The following MYO9B variants were observed in gnomAD, a reference collection of about 807,000 sequenced individuals.
The protein encoded by MYO9B is unconventional myosin-IXb.
In MYO9B, 71 loss-of-function variants were observed where a neutral mutation model predicts 229.5. That is an observed-to-expected ratio of 0.31 (90% CI 0.26 to 0.38). The LOEUF (loss-of-function observed/expected upper bound fraction) is 0.38. MYO9B is among the 10% of genes least tolerant of loss of function. The pLI is 1.00. For synonymous variants in MYO9B, 1,185 were observed against 1,235.8 expected (o/e 0.96, Z 0.86); for missense variants, 2,255 against 2,920.5 (o/e 0.77, Z 5.25).
At chr19:17,108,400 G>A (rs1484467512) in intron 2 of MYO9B, among the ~76,000 whole-genome samples, 2 of 152,256 alleles carry the variant, frequency 1.3e-5, no homozygotes, top group African/African-American at 2.4e-5. Flanking sequence ...ATTCAGGGCC[G>A]GATCGTTCTC....
At chr19:17,207,283 G>A in intron 35 of MYO9B, 39 bp downstream of exon 35, 1 of 1,574,292 alleles carries the variant, frequency 6.4e-7, no homozygotes, top group African/African-American at 1.4e-5. Flanking sequence ...GCTCAGGGCA[G>A]CCCCACCCAG....
chr19:17,206,952 C>G, intron 34 of MYO9B, 161 bp from the exon 35 acceptor site: 1 of 1,277,094 alleles, frequency 7.8e-7, no homozygotes, highest in Non-Finnish European at 1.1e-6. Flanking sequence ...CCGCCCGGGT[C>G]CCTTGAGGTA....
In MYO9B at chr19:17,193,150, C is replaced by T; in HGVS notation, c.3128+88C>T. Reference sequence around the variant, plus strand: ...TTGCTGCCCGTGATATACCATCTGGCCTGTGGCACTAAGGGGATGTCATTC... The same window carrying T: ...TTGCTGCCCGTGATATACCATCTGGTCTGTGGCACTAAGGGGATGTCATTC... On this transcript the variant is annotated intron_variant, in intron 21 of 39. Transcript: ENST00000682292. The surrounding 1 kb of genome is among the most constrained non-coding windows in gnomAD (Gnocchi z 4.3). 3 of 1,332,812 alleles carry T rather than the reference C, an allele frequency of 2.3e-6. No homozygotes were observed. Among genetic ancestry groups the T allele is most frequent in the Admixed American group, 3.1e-5 (1 of 32,360 alleles). 82.6% of individuals were successfully genotyped at this position (1,332,812 alleles called of 1,614,324 possible). A position where few individuals can be genotyped will look rare whatever the true frequency, so the allele number is the denominator to read the frequency against.
chr19:17,206,515 G>A (rs916955611), intron 33 of MYO9B, 139 bp downstream of exon 33: 50 of 1,400,248 alleles, frequency 3.6e-5, no homozygotes, highest in East Asian at 5.0e-5. Context: ...CAGCCAAACC[G>A]GGTCCCCAGT....
At position 17,200,387 on chromosome 19, in the gene MYO9B, G is replaced by A. The variant is rs375398456; in HGVS notation, c.4333G>A (p.Val1445Met). The change falls in exon 25 of 40, where the codon GTG (valine) becomes ATG (methionine). Residue 1445 changes from valine (V) to methionine (M), a missense_variant. By Grantham distance (21) the Val-to-Met change is conservative. Transcript: ENST00000682292. ...GCTGGAGAATGCAGTGTCCGGGCAC[G>A]TGGTGCTGGAAGCCACCACCATGAA... ...EELENAVSGHVVLEATTMKKG... is the reference protein window; with the variant it reads ...EELENAVSGHMVLEATTMKKG... 1.8e-5 allele frequency: 29 copies of A among 1,598,978 alleles called. No individual in the cohort carries two copies. The African/African-American group carries it at 2.1e-4, about 12-fold the overall frequency.
intron 2 of MYO9B, among the ~76,000 whole-genome samples, chr19:17,122,176 G>A (rs1311058274): frequency 6.6e-6 from 1 of 152,160 alleles, no homozygotes; most frequent in Admixed American, 6.6e-5. Context: ...CAAATACGGT[G>A]CAAGCTGGTT....
chr19:17,165,075 G>GC (rs2072644462), intron 10 of MYO9B, among the ~76,000 whole-genome samples: 1 of 152,086 alleles, frequency 6.6e-6, no homozygotes, highest in African/African-American at 2.4e-5. Flanking sequence ...TTGCTATGTT[G>GC]CCCAGGCTGG....
intron 2 of MYO9B, among the ~76,000 whole-genome samples, chr19:17,129,530 A>G (rs1268408208): frequency 6.6e-6 from 1 of 152,190 alleles, no homozygotes; most frequent in Non-Finnish European, 1.5e-5. Flanking sequence ...AACGTAACCA[A>G]ACGTGTCAGG....
At chr19:17,104,448 C>T (rs2057774445) in intron 2 of MYO9B, among the ~76,000 whole-genome samples, 1 of 152,184 alleles carries the variant, frequency 6.6e-6, no homozygotes, top group Admixed American at 6.5e-5. Context: ...GACCACACAG[C>T]ACCCATCATT....
intron 1 of MYO9B, among the ~76,000 whole-genome samples, chr19:17,076,650 C>T (rs1002667342): frequency 1.3e-5 from 2 of 152,014 alleles, no homozygotes; most frequent in Non-Finnish European, 1.5e-5. Context: ...TGACCTGGGA[C>T]GAGTCCCAAC....
chr19:17,084,245 G>A (rs141387112), intron 1 of MYO9B, among the ~76,000 whole-genome samples: 5,592 of 151,834 alleles, frequency 0.037, 120 homozygotes, highest in Middle Eastern at 0.065. Flanking sequence ...GGCTGAGGCC[G>A]GAGGATCACT....
intron 2 of MYO9B, among the ~76,000 whole-genome samples, chr19:17,138,476 G>A (rs1052003168): frequency 3.9e-5 from 6 of 152,010 alleles, no homozygotes; most frequent in Non-Finnish European, 7.4e-5. Context: ...TTGGGGTTTC[G>A]CCATGTTGCC....
In MYO9B at chr19:17,093,899, T is replaced by G. The variant is rs181635701; in HGVS notation, c.-58-7761T>G. ...TATTTATTTATTTATTTATTTACTT[T>G]GTAGAGTTACCTAGTTGTGTGGCCC... On this transcript the variant is annotated intron_variant, in intron 1 of 39. Coordinates refer to ENST00000682292, the MANE Select transcript of MYO9B (RefSeq NM_004145.4). Among the ~76,000 whole-genome samples, 421 of 127,514 alleles carry G rather than the reference T, an allele frequency of 3.3e-3. 3 individuals are homozygous for G. Among genetic ancestry groups the G allele is most frequent in the African/African-American group, 0.011 (395 of 34,608 alleles). The allele number at this position is 127,514 out of a possible 152,430, so 83.7% of individuals were successfully genotyped here.
At chr19:17,152,281 T>C (rs7252151) in intron 3 of MYO9B, among the ~76,000 whole-genome samples, 102,431 of 151,912 alleles carry the variant, frequency 0.67, 34,716 homozygotes, top group East Asian at 0.71. Context: ...TGGCCAGGGA[T>C]GGTGGCTCAT....
chr19:17,121,004 G>T (rs2057958295), intron 2 of MYO9B, among the ~76,000 whole-genome samples: 1 of 152,176 alleles, frequency 6.6e-6, no homozygotes, highest in African/African-American at 2.4e-5. Flanking sequence ...GTGCAATGGT[G>T]TGATCTCAAC....
At chr19:17,085,988 T>C (rs2057578967) in intron 1 of MYO9B, among the ~76,000 whole-genome samples, 1 of 152,076 alleles carries the variant, frequency 6.6e-6, no homozygotes. Context: ...GGCTCTGCCT[T>C]CTACCTGTGA....
chr19:17,206,490 C>A, intron 33 of MYO9B, 114 bp downstream of exon 33: 1 of 1,463,862 alleles, frequency 6.8e-7, no homozygotes, highest in Non-Finnish European at 9.1e-7. Flanking sequence ...AAACTGAGGC[C>A]CAAAGCAGTC....
chr19:17,142,693 A>C (rs2072356860), intron 2 of MYO9B, among the ~76,000 whole-genome samples: 1 of 152,072 alleles, frequency 6.6e-6, no homozygotes, highest in Non-Finnish European at 1.5e-5. Flanking sequence ...TGTACCGATA[A>C]AACTTCATTG....
rs2073246835 is a variant in MYO9B, at chr19:17,212,843, A to C, written c.*533A>C. On this transcript the variant is annotated 3_prime_UTR_variant, in exon 40 of 40. Coordinates refer to ENST00000682292, the MANE Select transcript of MYO9B (RefSeq NM_004145.4). The surrounding 1 kb of genome is among the most constrained non-coding windows in gnomAD (Gnocchi z 5.4). ...CATGAGAGTTTTGGACACTTGGGTC[A>C]CCTGACCCGTGCCTCTCTGACACAT... The C allele has an allele frequency of 6.6e-6, 1 of 152,450 alleles. No individual in the cohort carries two copies. The highest frequency in any genetic ancestry group is 2.4e-5 in the African/African-American group (1 of 41,378). 9.4% of individuals were successfully genotyped at this position (152,450 alleles called of 1,614,324 possible).
Sources: allele counts gnomAD v4.1 joint callset (sites outside exome capture counted in the v4.1 genomes callset), GRCh38; gene constraint gnomAD v4.1.1; non-coding constraint Gnocchi (gnomAD v3.1); transcripts MANE v1.5; gene names NCBI Gene and HGNC (gene_info 2026-07-23, HGNC 2026-07-21).